Variants in COL4A4 observed in about 807,000 individuals in gnomAD.
COL4A4 encodes collagen alpha-4(IV) chain.
A neutral mutation model predicts 192.9 loss-of-function variants in COL4A4; 105 were observed. That is an observed-to-expected ratio of 0.54 (90% CI 0.46 to 0.64). The LOEUF is 0.64. COL4A4 is among the 30% of genes least tolerant of loss of function. COL4A4 has a pLI of 0.00. For synonymous variants in COL4A4, 762 were observed against 769.9 expected (o/e 0.99, Z 0.17); for missense variants, 1,967 against 2,169.3 (o/e 0.91, Z 1.85).
intron 8 of COL4A4, 88 bp downstream of exon 8, chr2:227,114,540 G>A: frequency 9.5e-7 from 1 of 1,050,216 alleles, no homozygotes; most frequent in Non-Finnish European, 1.5e-6. Context: ...GGGACATTTT[G>A]AAGAAAAATC....
intron 4 of COL4A4, among the ~76,000 whole-genome samples, chr2:227,124,096 A>G (rs2061954279): frequency 6.6e-6 from 1 of 152,176 alleles, no homozygotes; most frequent in South Asian, 2.1e-4. Context: ...TAAAGGAGAA[A>G]AACAAGCCAC....
In COL4A4 at chr2:227,042,199, G is replaced by A; in HGVS notation, c.3454C>T (p.Pro1152Ser). The change falls in exon 37 of 48, where the codon CCA (proline) becomes TCA (serine). Residue 1152 changes from proline (P) to serine (S), a missense_variant. Physicochemically the swap from Pro to Ser is moderately conservative, Grantham distance 74. Transcript: ENST00000396625. ...GQPGEMGDPG[P>S]RGLQGDPGIP... ...CCTGGATCCCCCTGGAGGCCTCTTG[G>A]CCCAGGGTCTCCCATTTCTCCTGGC... is the stretch of plus-strand genomic sequence containing the variant. 3 of 1,613,664 alleles carry A rather than the reference G, an allele frequency of 1.9e-6. No individual in the cohort carries two copies. Among genetic ancestry groups the A allele is most frequent in the Non-Finnish European group, 2.5e-6 (3 of 1,179,614 alleles).
At chr2:227,107,043 G>A (rs1359865285) in intron 12 of COL4A4, among the ~76,000 whole-genome samples, 1 of 152,210 alleles carries the variant, frequency 6.6e-6, no homozygotes, top group Admixed American at 6.5e-5. Context: ...GCCAATGCTT[G>A]CTGGATTCTG....
intron 4 of COL4A4, among the ~76,000 whole-genome samples, chr2:227,135,787 C>T (rs929798060): frequency 5.9e-5 from 9 of 152,094 alleles, no homozygotes; most frequent in Non-Finnish European, 1.0e-4. Flanking sequence ...GGATTACAGG[C>T]GCCCGCCACC....
chr2:227,064,677 T>C (rs150525462), intron 25 of COL4A4, among the ~76,000 whole-genome samples: 167 of 152,350 alleles, frequency 1.1e-3, no homozygotes, highest in Non-Finnish European at 2.1e-3. Context: ...ATCAGACTTA[T>C]AGCAGACTTC....
chr2:227,136,565 T>C (rs1452280643), intron 4 of COL4A4, among the ~76,000 whole-genome samples: 1 of 152,162 alleles, frequency 6.6e-6, no homozygotes, highest in Non-Finnish European at 1.5e-5. Flanking sequence ...CTTCATTCTG[T>C]AGACATCAAA....
intron 24 of COL4A4, 121 bp from the exon 25 acceptor site, chr2:227,078,198 A>G (rs2059136189): frequency 1.2e-6 from 1 of 825,436 alleles, no homozygotes; most frequent in African/African-American, 1.7e-5. Flanking sequence ...GTTACTCTTA[A>G]GCAAATGTAA....
intron 4 of COL4A4, among the ~76,000 whole-genome samples, chr2:227,131,147 T>C (rs1017069933): frequency 3.0e-5 from 4 of 134,354 alleles, no homozygotes; most frequent in African/African-American, 5.2e-5. Flanking sequence ...CTGCTTTTTT[T>C]TTTTTTTCTT....
chr2:227,011,020 A>C (rs1222754876), intron 45 of COL4A4, among the ~76,000 whole-genome samples: 1 of 152,112 alleles, frequency 6.6e-6, no homozygotes, highest in Admixed American at 6.5e-5. Flanking sequence ...CTTGGGATCC[A>C]CATCTACAAG....
chr2:227,070,633 A>G (rs1296500078), intron 25 of COL4A4, among the ~76,000 whole-genome samples: 1 of 146,106 alleles, frequency 6.8e-6, no homozygotes, highest in Non-Finnish European at 1.5e-5. Flanking sequence ...AAAACCAAAC[A>G]CCACATATTC....
chr2:227,103,063 T>A, intron 14 of COL4A4, 81 bp downstream of exon 14: 1 of 1,314,376 alleles, frequency 7.6e-7, no homozygotes, highest in Non-Finnish European at 1.1e-6. Flanking sequence ...AAAGCAATGA[T>A]AAAGACCATG....
chr2:227,032,076 A>C (rs1433795767), intron 39 of COL4A4, 21 bp from the exon 40 acceptor site: 1 of 1,613,950 alleles, frequency 6.2e-7, no homozygotes, highest in South Asian at 1.1e-5. Flanking sequence ...ACATGTTCAC[A>C]TGTTATCCTC....
chr2:227,106,111 A>G (rs1046824459), intron 12 of COL4A4, among the ~76,000 whole-genome samples: 5 of 135,626 alleles, frequency 3.7e-5, no homozygotes, highest in African/African-American at 1.3e-4. Context: ...CAGATTAGAA[A>G]CATTGTCTGT....
chr2:227,101,381 A>T, intron 17 of COL4A4, 123 bp downstream of exon 17: 1 of 809,768 alleles, frequency 1.2e-6, no homozygotes, highest in Non-Finnish European at 2.0e-6. Context: ...ATAAAAAATT[A>T]ACTGTATCTC....
At chr2:227,092,426 T>C (rs2059990296) in intron 20 of COL4A4, among the ~76,000 whole-genome samples, 1 of 152,024 alleles carries the variant, frequency 6.6e-6, no homozygotes, top group African/African-American at 2.4e-5. Context: ...AGTCTCAGGA[T>C]ATTGGTAAAG....
In COL4A4 at chr2:227,012,321, G is replaced by A. The variant is rs10188770; in HGVS notation, c.4217-24C>T. ...CCCTGCACAAAAGTTTATGATGCTG[G>A]TGGTGAAAGCAACCATGACACCTGC... On this transcript the variant is annotated intron_variant, in intron 44 of 47. Transcript: ENST00000396625. 0.45 allele frequency: 706,707 copies of A among 1,580,714 alleles called. 161,051 individuals are homozygous for A. Among genetic ancestry groups the A allele is most frequent in the African/African-American group, 0.6 (44,919 of 74,274 alleles).
chr2:227,148,533 G>A (rs1200236097), intron 1 of COL4A4, among the ~76,000 whole-genome samples: 1 of 151,964 alleles, frequency 6.6e-6, no homozygotes, highest in Admixed American at 6.6e-5. Context: ...TAATTGCAGT[G>A]GTTATGGCTG....
chr2:227,149,482 G>A (rs575961489), intron 1 of COL4A4, among the ~76,000 whole-genome samples: 49 of 152,182 alleles, frequency 3.2e-4, no homozygotes, highest in Middle Eastern at 3.4e-3. Context: ...ATGGTTTCAG[G>A]CTGCTAAAAG....
chr2:227,089,588 CAT>C lies in COL4A4; in HGVS notation c.1459+278_1459+279del, dbSNP rs527917534. Among the ~76,000 whole-genome samples the C allele has an allele frequency of 7.1e-3, 728 of 102,118 alleles. 40 individuals carry two copies. The highest frequency in any genetic ancestry group is 0.022 in the African/African-American group (636 of 28,414). The allele number at this position is 102,118 out of a possible 152,430, so 67.0% of individuals were successfully genotyped here. Reference sequence around the variant, plus strand: ...CAAAATTCATGGCAGGCAAATGTTCCATATATATATATATATATATACATACA... The same window carrying C: ...CAAAATTCATGGCAGGCAAATGTTCCATATATATATATATATATACATACA... On this transcript the variant is annotated intron_variant, in intron 21 of 47. Transcript: ENST00000396625.
Sources: allele counts gnomAD v4.1 joint callset (sites outside exome capture counted in the v4.1 genomes callset), GRCh38; gene constraint gnomAD v4.1.1; transcripts MANE v1.5; gene names NCBI Gene and HGNC (gene_info 2026-07-23, HGNC 2026-07-21).